Variants in TMEM108 observed in about 807,000 individuals in gnomAD.
TMEM108 encodes cancer/testis antigen 124.
TMEM108 carries 12 observed loss-of-function variants against 35.1 expected under a neutral mutation model. That is an observed-to-expected ratio of 0.34 (90% CI 0.22 to 0.55). The LOEUF is 0.55. TMEM108 is among the 20% of genes least tolerant of loss of function. The pLI is 0.89. For missense variants in TMEM108, 680 were observed against 753.3 expected (o/e 0.90, Z 1.14); for synonymous variants, 287 against 308.6 (o/e 0.93, Z 0.73).
intron 2 of TMEM108, among the ~76,000 whole-genome samples, chr3:133,065,669 TA>T (rs1199916516): frequency 6.6e-6 from 1 of 152,076 alleles, no homozygotes; most frequent in African/African-American, 2.4e-5. Context: ...TTATTAAATT[TA>T]AAAAAAATTT....
intron 2 of TMEM108, among the ~76,000 whole-genome samples, chr3:133,203,874 C>T (rs1945709727): frequency 1.3e-5 from 2 of 152,176 alleles, no homozygotes; most frequent in East Asian, 1.9e-4. Flanking sequence ...GGAATGGAAG[C>T]AGCTTTTCTT....
chr3:133,298,998 T>C (rs895227864), intron 3 of TMEM108, among the ~76,000 whole-genome samples: 12 of 152,188 alleles, frequency 7.9e-5, no homozygotes, highest in Non-Finnish European at 1.8e-4. Context: ...GGTGACAGTC[T>C]TACATGAATT....
At chr3:133,233,396 T>C (rs1243944729) in intron 3 of TMEM108, among the ~76,000 whole-genome samples, 1 of 152,184 alleles carries the variant, frequency 6.6e-6, no homozygotes, top group Non-Finnish European at 1.5e-5. Context: ...TGCATAGTAT[T>C]CCATGGTGTA....
intron 3 of TMEM108, among the ~76,000 whole-genome samples, chr3:133,265,713 C>T (rs1314458377): frequency 6.6e-6 from 1 of 152,172 alleles, no homozygotes; most frequent in Non-Finnish European, 1.5e-5. Context: ...ATGGAATATG[C>T]ATGCTTTTTC....
chr3:133,370,871 A>AGTGTGTGTGTGTGTGTGTGT lies in TMEM108; in HGVS notation c.41-8849_41-8830dup, dbSNP rs71624013. Among the ~76,000 whole-genome samples, 275 of 125,546 alleles carry AGTGTGTGTGTGTGTGTGTGT rather than the reference A, an allele frequency of 2.2e-3. 9 individuals are homozygous for AGTGTGTGTGTGTGTGTGTGT. Among genetic ancestry groups the AGTGTGTGTGTGTGTGTGTGT allele is most frequent in the Admixed American group, 8.7e-3 (104 of 12,000 alleles). The allele number at this position is 125,546 out of a possible 152,430, so 82.4% of individuals were successfully genotyped here. A position where few individuals can be genotyped will look rare whatever the true frequency, so the allele number is the denominator to read the frequency against. ...TATTCCGTCTGTTTCCCCAGCCCATAGTGTGTGTGTGTGTGTGTGTGTGTG... is the reference window on the plus strand; with the variant it reads ...TATTCCGTCTGTTTCCCCAGCCCATAGTGTGTGTGTGTGTGTGTGTGTGTGTGTGTGTGTGTGTGTGTGTG... On this transcript the variant is annotated intron_variant, in intron 3 of 5. Transcript: ENST00000321871.
At chr3:133,215,921 A>G (rs968579697) in intron 2 of TMEM108, among the ~76,000 whole-genome samples, 1 of 152,128 alleles carries the variant, frequency 6.6e-6, no homozygotes, top group East Asian at 1.9e-4. Flanking sequence ...ATTTTCCCCA[A>G]CTGATTTGAT....
chr3:133,117,126 G>A (rs990802456), intron 2 of TMEM108, among the ~76,000 whole-genome samples: 1 of 152,192 alleles, frequency 6.6e-6, no homozygotes, highest in African/African-American at 2.4e-5. Context: ...TGCTGAAATC[G>A]TTTTAGTGTA....
chr3:133,262,044 C>T (rs1417997688), intron 3 of TMEM108, among the ~76,000 whole-genome samples: 1 of 152,146 alleles, frequency 6.6e-6, no homozygotes, highest in African/African-American at 2.4e-5. Flanking sequence ...TTATCCCTGC[C>T]CTTCATAACT....
intron 2 of TMEM108, among the ~76,000 whole-genome samples, chr3:133,115,256 A>G (rs1944272281): frequency 1.3e-5 from 2 of 152,342 alleles, no homozygotes; most frequent in East Asian, 1.9e-4. Flanking sequence ...ACTGGAGGAC[A>G]TTCATGAAAG....
Position 133,339,861 on chromosome 3 carries a change from A to G in TMEM108, c.41-39891A>G, listed in dbSNP as rs146749156. 2.5e-3 allele frequency among the ~76,000 whole-genome samples: 374 copies of G among 152,054 alleles called. 1 individual carries two copies. Among genetic ancestry groups the G allele is most frequent in the African/African-American group, 8.5e-3 (354 of 41,562 alleles). On this transcript the variant is annotated intron_variant, in intron 3 of 5. Transcript: ENST00000321871. ...ATGCCTCCTGAATGACCAGTGGGTCAATGAAGAAATCAGAAGGAAATTGAA... is the reference window on the plus strand; with the variant it reads ...ATGCCTCCTGAATGACCAGTGGGTCGATGAAGAAATCAGAAGGAAATTGAA...
At chr3:133,210,891 G>A (rs72997500) in intron 2 of TMEM108, among the ~76,000 whole-genome samples, 2,796 of 152,182 alleles carry the variant, frequency 0.018, 97 homozygotes, top group African/African-American at 0.063. Context: ...CAACCCTGTG[G>A]AACCACTTGA....
intron 3 of TMEM108, among the ~76,000 whole-genome samples, chr3:133,351,738 A>G (rs2072004822): frequency 6.6e-6 from 1 of 152,184 alleles, no homozygotes; most frequent in African/African-American, 2.4e-5. Context: ...AAAGTGATCA[A>G]GATCACACAG....
intron 2 of TMEM108, among the ~76,000 whole-genome samples, chr3:133,079,704 G>A (rs554138044): frequency 2.0e-5 from 3 of 152,298 alleles, no homozygotes; most frequent in South Asian, 4.1e-4. Context: ...TTCTGTTTAT[G>A]GCAGCAGGTA....
chr3:133,357,360 A>G (rs556180383), intron 3 of TMEM108, among the ~76,000 whole-genome samples: 2 of 152,314 alleles, frequency 1.3e-5, no homozygotes, highest in South Asian at 4.1e-4. Flanking sequence ...ACTATGGAAA[A>G]CAGTATGGAG....
At chr3:133,389,740 G>A (rs2073206349) in intron 4 of TMEM108, 1 of 153,178 alleles carries the variant, frequency 6.5e-6, no homozygotes, top group Admixed American at 6.5e-5. Context: ...CAGATGTCTG[G>A]GTTTGCTTTT....
intron 2 of TMEM108, among the ~76,000 whole-genome samples, chr3:133,069,189 GACTTT>G (rs1943647282): frequency 6.6e-6 from 1 of 152,158 alleles, no homozygotes; most frequent in Non-Finnish European, 1.5e-5. Context: ...TGGTTTAGAA[GACTTT>G]ACTTAAGAAT....
intron 3 of TMEM108, among the ~76,000 whole-genome samples, chr3:133,367,209 T>G (rs1389035432): frequency 1.3e-5 from 2 of 152,214 alleles, no homozygotes; most frequent in East Asian, 1.9e-4. Flanking sequence ...ACATTCTTCT[T>G]AGACCATAGT....
intron 2 of TMEM108, among the ~76,000 whole-genome samples, chr3:133,214,674 T>G (rs1434657406): frequency 2.0e-5 from 3 of 152,106 alleles, no homozygotes; most frequent in African/African-American, 4.8e-5. Flanking sequence ...ATAACCGGCA[T>G]CCCCCAACCC....
chr3:133,146,336 C>G (rs898801176), intron 2 of TMEM108, among the ~76,000 whole-genome samples: 1 of 152,166 alleles, frequency 6.6e-6, no homozygotes, highest in Admixed American at 6.6e-5. Context: ...GGTGGATAAA[C>G]TATTTGATGT....
Sources: gnomAD v4.1 joint callset for allele counts (sites outside exome capture counted in the v4.1 genomes callset) on GRCh38, gnomAD v4.1.1 for gene constraint, MANE v1.5 for transcripts, NCBI Gene and HGNC (gene_info 2026-07-23, HGNC 2026-07-21) for gene names.